Variants in WLS observed in about 807,000 individuals in gnomAD.
The protein encoded by WLS is protein wntless homolog.
In WLS, 23 loss-of-function variants were observed where a neutral mutation model predicts 62.8. The observed-to-expected ratio is 0.37, with a 90% CI of 0.26 to 0.52. The LOEUF (loss-of-function observed/expected upper bound fraction) is 0.52, where lower values mean the gene tolerates loss of function less well. Among genes scored for constraint, WLS ranks in the 20% least tolerant of loss-of-function variants. The pLI, the probability that WLS is intolerant of heterozygous loss-of-function variation, is 0.92. For missense variants in WLS, 615 were observed against 697.3 expected (o/e 0.88, Z 1.33); for synonymous variants, 246 against 244.1 (o/e 1.01, Z -0.07).
At chr1:68,161,355 A>C (rs878884106) in intron 2 of WLS, among the ~76,000 whole-genome samples, 5 of 152,212 alleles carry the variant, frequency 3.3e-5, no homozygotes, top group Non-Finnish European at 7.3e-5. Flanking sequence ...TAAGGGACTC[A>C]AGTCACAGGA....
chr1:68,227,295 G>A (rs190444037), intron 1 of WLS, among the ~76,000 whole-genome samples: 1 of 151,838 alleles, frequency 6.6e-6, no homozygotes, highest in Non-Finnish European at 1.5e-5. Flanking sequence ...GCAGGTGCCT[G>A]TAATCCCAGC....
At chr1:68,213,627 A>G (rs2100649875) in intron 1 of WLS, among the ~76,000 whole-genome samples, 1 of 152,226 alleles carries the variant, frequency 6.6e-6, no homozygotes, top group South Asian at 2.1e-4. Context: ...GATTATGCAC[A>G]TCAAGTTGTA....
chr1:68,203,108 T>C (rs1649112932), intron 1 of WLS: 2 of 152,246 alleles, frequency 1.3e-5, no homozygotes, highest in Non-Finnish European at 2.9e-5. Context: ...TTATCAATAT[T>C]ATTGTTAATA....
At chr1:68,119,197 A>G (rs1250399142) in intron 11 of WLS, among the ~76,000 whole-genome samples, 2 of 152,216 alleles carry the variant, frequency 1.3e-5, no homozygotes, top group South Asian at 4.1e-4. Flanking sequence ...TATATTTTGA[A>G]AAGGGCAGGT....
chr1:68,219,940 C>T (rs769912537), intron 1 of WLS, among the ~76,000 whole-genome samples: 1 of 152,026 alleles, frequency 6.6e-6, no homozygotes, highest in African/African-American at 2.4e-5. Context: ...AGAAGTACAA[C>T]TGGGATTCAC....
At chr1:68,223,007 T>C (rs1169680044) in intron 1 of WLS, among the ~76,000 whole-genome samples, 1 of 152,168 alleles carries the variant, frequency 6.6e-6, no homozygotes, top group Non-Finnish European at 1.5e-5. Context: ...GCATTCTTAT[T>C]CTGAATAGAG....
chr1:68,101,638 A>G (rs1646079833), intron 11 of WLS, among the ~76,000 whole-genome samples: 1 of 152,230 alleles, frequency 6.6e-6, no homozygotes. Context: ...AGAATATAAT[A>G]TAAGACAGGG....
chr1:68,119,717 G>A (rs1054209913), intron 11 of WLS, among the ~76,000 whole-genome samples: 1 of 152,238 alleles, frequency 6.6e-6, no homozygotes, highest in Non-Finnish European at 1.5e-5. Context: ...TTTCAAGCCA[G>A]CTACTTGCAC....
chr1:68,174,330 C>T (rs1176579358), intron 2 of WLS, among the ~76,000 whole-genome samples: 2 of 152,152 alleles, frequency 1.3e-5, no homozygotes, highest in Non-Finnish European at 2.9e-5. Context: ...TTGTTTCATA[C>T]GGCTTATGTG....
intron 2 of WLS, among the ~76,000 whole-genome samples, chr1:68,177,804 T>G (rs927731164): frequency 1.3e-5 from 2 of 152,198 alleles, no homozygotes; most frequent in African/African-American, 4.8e-5. Context: ...AACTATTCAC[T>G]TATATTGAGC....
At chr1:68,200,483 G>A (rs1648945637) in intron 1 of WLS, among the ~76,000 whole-genome samples, 1 of 149,160 alleles carries the variant, frequency 6.7e-6, no homozygotes, top group African/African-American at 2.5e-5. Flanking sequence ...TTAATGTTGG[G>A]GCGGGGGTGG....
Position 68,162,378 on chromosome 1 carries a change from G to T in WLS, c.380-3131C>A. The T allele has an allele frequency of 9.9e-6, 16 of 1,613,906 alleles. No individual in the cohort carries two copies. The South Asian group carries it at 1.6e-4, about 17-fold the overall frequency. On this transcript the variant is annotated intron_variant, in intron 2 of 11. Transcript: ENST00000262348. ...CGTTGAGATTGCAGTGCAAGGAGAC[G>T]CAGTCGCTCTGATACAGCAAATCCT...
chr1:68,229,768 A>G (rs1650328191), intron 1 of WLS, among the ~76,000 whole-genome samples: 1 of 152,214 alleles, frequency 6.6e-6, no homozygotes, highest in Non-Finnish European at 1.5e-5. Flanking sequence ...ACTGTTCAAC[A>G]TGGGCTAGAT....
chr1:68,148,772 A>G lies in WLS; in HGVS notation c.973-112T>C, dbSNP rs1269875518. The G allele has an allele frequency of 6.7e-6, 6 of 890,532 alleles. 1 individual carries two copies. The East Asian group carries it at 1.6e-4, about 24-fold the overall frequency. 55.2% of individuals were successfully genotyped at this position (890,532 alleles called of 1,614,324 possible). On this transcript the variant is annotated intron_variant, in intron 6 of 11. Transcript: ENST00000262348. ...GCCGACCACCTATTGTGTATCAAGC[A>G]CTATGCTAGATTCTAGGTATGAGAA...
Position 68,138,411 on chromosome 1 carries a change from A to G in WLS, c.1363-478T>C, listed in dbSNP as rs2566785. On this transcript the variant is annotated intron_variant, in intron 10 of 11. Transcript: ENST00000262348. ...TCTACCACTCACTCGGCTTAATGTA[A>G]GACAAGATGAAGACTCCAGACTTCA... 50,904 of 153,146 alleles carry G rather than the reference A, an allele frequency of 0.33. 8,960 individuals are homozygous for G. Among genetic ancestry groups the G allele is most frequent in the Non-Finnish European group, 0.39 (27,082 of 68,712 alleles). The allele number at this position is 153,146 out of a possible 1,614,324, so 9.5% of individuals were successfully genotyped here. A position where few individuals can be genotyped will look rare whatever the true frequency, so the allele number is the denominator to read the frequency against.
At chr1:68,133,715 T>C (rs1205939555) in intron 11 of WLS, among the ~76,000 whole-genome samples, 1 of 152,234 alleles carries the variant, frequency 6.6e-6, no homozygotes, top group East Asian at 1.9e-4. Flanking sequence ...GTCCATTCTA[T>C]GACCAAAAGA....
Position 68,162,912 on chromosome 1 carries a change from CAGA to C in WLS, c.380-3668_380-3666del, listed in dbSNP as rs1214609639. 6 of 1,572,160 alleles carry C rather than the reference CAGA, an allele frequency of 3.8e-6. No individual in the cohort carries two copies. In the African/African-American group the frequency reaches 8.1e-5, roughly 21 times the overall value. On this transcript the variant is annotated intron_variant, in intron 2 of 11. Transcript: ENST00000262348. ...GATTTCCTGCGTGGACTGCGCGTCA[CAGA>C]AGGCCACAGTGGCCAGGTCTTTCAG...
chr1:68,211,228 G>A lies in WLS; in HGVS notation c.107-17001C>T, dbSNP rs532502233. Among the ~76,000 whole-genome samples the A allele has an allele frequency of 6.2e-4, 94 of 151,348 alleles. 1 individual carries two copies. Among genetic ancestry groups the A allele is most frequent in the Middle Eastern group, 3.4e-3 (1 of 292 alleles). ...ACCCAAACATTCCTCTTGGAAAACC[G>A]ACTACATTGTAAATTTGCAGACCTG... On this transcript the variant is annotated intron_variant, in intron 1 of 11. Transcript: ENST00000262348.
intron 1 of WLS, among the ~76,000 whole-genome samples, chr1:68,205,416 C>T (rs1649241360): frequency 6.6e-6 from 1 of 152,118 alleles, no homozygotes; most frequent in African/African-American, 2.4e-5. Context: ...AAACTGCTCC[C>T]AAAGGGTTTG....
Sources: gnomAD v4.1 joint callset for allele counts (sites outside exome capture counted in the v4.1 genomes callset) on GRCh38, gnomAD v4.1.1 for gene constraint, MANE v1.5 for transcripts, NCBI Gene and HGNC (gene_info 2026-07-23, HGNC 2026-07-21) for gene names.